Variants in NRK observed in about 807,000 individuals in gnomAD.
NRK encodes the protein nik-related protein kinase.
In NRK, 67 loss-of-function variants were observed where a neutral mutation model predicts 125.2. The observed-to-expected ratio is 0.54, with a 90% CI of 0.44 to 0.66. NRK has a LOEUF of 0.66. Ranked by LOEUF, NRK falls within the 30% of genes least tolerant of loss-of-function variation. The pLI is 0.00. For synonymous variants in NRK, 458 were observed against 429.0 expected, an observed-to-expected ratio of 1.07 and a Z score of -0.84; for missense variants, 1,224 against 1,192.9, an observed-to-expected ratio of 1.03 and a Z score of -0.38.
rs772137904 is a variant in NRK, at chrX:105,898,651, A to G, written c.648A>G (p.Pro216=). The G allele has an allele frequency of 3.3e-6, 4 of 1,198,977 alleles. No individual in the cohort carries two copies. The highest frequency in any genetic ancestry group is 3.6e-5 in the South Asian group (2 of 55,296). Residue 216 remains proline, a synonymous_variant, in exon 8 of 29, where the codon CCA becomes CCG. Coordinates refer to ENST00000243300, the MANE Select transcript of NRK (RefSeq NM_198465.4). ...NGRRNSFIGT[P]YWMAPEVIDC... is the part of the protein sequence containing the mutation. ...GAAGGAATAGTTTCATTGGGACACC[A>G]TACTGGATGGCACCTGAGGTGATTG...
intron 11 of NRK, chrX:105,907,460 C>T (rs777159155): frequency 1.8e-5 from 2 of 111,728 alleles, no homozygotes; most frequent in South Asian, 3.7e-4. Context: ...CTTGTTGTAT[C>T]TATACATGTA....
At chrX:105,856,514 T>G (rs1191549096) in intron 2 of NRK, among the ~76,000 whole-genome samples, 1 of 111,454 alleles carries the variant, frequency 9.0e-6, no homozygotes, top group South Asian at 3.7e-4. Flanking sequence ...AATATCAATA[T>G]TTAGTATGCT....
At chrX:105,870,612 T>A (rs919421931) in intron 2 of NRK, among the ~76,000 whole-genome samples, 26 of 112,012 alleles carry the variant, frequency 2.3e-4, no homozygotes, top group East Asian at 1.7e-3. Flanking sequence ...GTCATTTGAG[T>A]GCTATAGCGT....
chrX:105,881,470 T>C (rs1192189071), intron 3 of NRK, among the ~76,000 whole-genome samples: 1 of 112,092 alleles, frequency 8.9e-6, no homozygotes, highest in Non-Finnish European at 1.9e-5. Flanking sequence ...ACTTTACTAA[T>C]AACAAATTGT....
chrX:105,850,204 C>T (rs1264436653), intron 2 of NRK, among the ~76,000 whole-genome samples: 1 of 112,615 alleles, frequency 8.9e-6, no homozygotes, highest in East Asian at 2.8e-4. Flanking sequence ...TTGGGGCTTG[C>T]ACCCTCTGAA....
chrX:105,868,630 G>C (rs73533111), intron 2 of NRK, among the ~76,000 whole-genome samples: 2,304 of 110,551 alleles, frequency 0.021, 59 homozygotes, highest in African/African-American at 0.071. Flanking sequence ...CTGTGCAATA[G>C]TACCATTCTA....
intron 6 of NRK, 40 bp from the exon 7 acceptor site, chrX:105,895,393 G>T (rs866567687): frequency 2.1e-6 from 2 of 963,508 alleles, no homozygotes; most frequent in African/African-American, 2.1e-5. Flanking sequence ...AAGAAAGAAA[G>T]AAATATATAC....
At chrX:105,915,643 A>G in intron 14 of NRK, 87 bp from the exon 15 acceptor site, 4 of 456,692 alleles carry the variant, frequency 8.8e-6, no homozygotes, top group South Asian at 8.4e-5. Flanking sequence ...GAAAATATAT[A>G]TGAAGACAGG....
chrX:105,948,777 C>CTTT (rs77813783), intron 26 of NRK: 12 of 394,211 alleles, frequency 3.0e-5, no homozygotes, highest in Admixed American at 4.9e-5. Flanking sequence ...TAGTTTCTGA[C>CTTT]TTTTTTTTTT....
chrX:105,826,106 G>T (rs2039091233), intron 1 of NRK, among the ~76,000 whole-genome samples: 1 of 92,632 alleles, frequency 1.1e-5, no homozygotes, highest in Non-Finnish European at 2.1e-5. Context: ...ACATATATAT[G>T]TTTGGGTGAT....
At chrX:105,836,192 T>C (rs1053593935) in intron 2 of NRK, among the ~76,000 whole-genome samples, 3 of 111,822 alleles carry the variant, frequency 2.7e-5, no homozygotes, top group Non-Finnish European at 5.6e-5. Flanking sequence ...CAGCTTATTC[T>C]TGTTGTTAGG....
intron 21 of NRK, among the ~76,000 whole-genome samples, chrX:105,936,612 T>TG (rs1281605367): frequency 8.9e-6 from 1 of 111,880 alleles, no homozygotes; most frequent in East Asian, 2.8e-4. Flanking sequence ...AGGAGGACTG[T>TG]GAAATTTTAT....
intron 27 of NRK, among the ~76,000 whole-genome samples, chrX:105,950,579 G>T (rs1034078011): frequency 1.1e-4 from 10 of 94,698 alleles, no homozygotes; most frequent in Admixed American, 1.2e-4. Flanking sequence ...TGTGTGTGTG[G>T]AGAGAGAGAG....
Position 105,909,415 on chromosome X carries a change from C to A in NRK, c.1774C>A (p.Leu592Ile). 1 of 1,208,200 alleles carries A rather than the reference C, an allele frequency of 8.3e-7. No individual in the cohort carries two copies. Among genetic ancestry groups the A allele is most frequent in the East Asian group, 3.0e-5 (1 of 33,620 alleles). ...AAATGCCCAGGTATTTCTGCCCCTG[C>A]TATCACAAGATCACCATGTGCTGTT... ...RVNAQVFLPL[L>I]SQDHHVLLPL... Residue 592 changes from leucine to isoleucine, a missense_variant, in exon 13 of 29, where the codon CTA becomes ATA. By Grantham distance (5) the Leu-to-Ile change is conservative. Coordinates refer to ENST00000243300, the MANE Select transcript of NRK (RefSeq NM_198465.4).
intron 16 of NRK, among the ~76,000 whole-genome samples, chrX:105,917,929 G>T (rs1177387346): frequency 9.1e-6 from 1 of 110,491 alleles, no homozygotes; most frequent in East Asian, 2.9e-4. Flanking sequence ...AAGAAGGCGG[G>T]GGGAGTCAGC....
At chrX:105,876,979 T>TTC (rs1569298922) in intron 2 of NRK, among the ~76,000 whole-genome samples, 1 of 111,834 alleles carries the variant, frequency 8.9e-6, no homozygotes, top group Non-Finnish European at 1.9e-5. Flanking sequence ...CAGTCACTTC[T>TTC]GGTGAATAGA....
chrX:105,955,871 T>A lies in NRK; in HGVS notation c.*271T>A, dbSNP rs2040970231. ...TACTGTGAATTCAAACATTACTCTT[T>A]GGACAGTTTGGACAGTATCTGTATT... On this transcript the variant is annotated 3_prime_UTR_variant, in exon 29 of 29. Transcript: ENST00000243300. 2 of 201,187 alleles carry A rather than the reference T, an allele frequency of 9.9e-6. No individual in the cohort carries two copies. The highest frequency in any genetic ancestry group is 1.4e-4 in the Admixed American group (2 of 14,656). The allele number at this position is 201,187 out of a possible 1,213,427, so 16.6% of individuals were successfully genotyped here.
At chrX:105,922,121 T>G in intron 17 of NRK, 60 bp downstream of exon 17, 1 of 555,336 alleles carries the variant, frequency 1.8e-6, no homozygotes. Flanking sequence ...TTATTTTGAC[T>G]TACACATTCT....
chrX:105,823,722 G>A (rs1169580427), intron 1 of NRK, among the ~76,000 whole-genome samples: 1 of 111,242 alleles, frequency 9.0e-6, no homozygotes, highest in East Asian at 2.8e-4. Flanking sequence ...TTATTTCATT[G>A]GCATCTGGTT....
Sources: allele counts gnomAD v4.1 joint callset (sites outside exome capture counted in the v4.1 genomes callset), GRCh38; gene constraint gnomAD v4.1.1; transcripts MANE v1.5; gene names NCBI Gene and HGNC (gene_info 2026-07-23, HGNC 2026-07-21).